The following IFT43 variants were observed in gnomAD, a reference collection of about 807,000 sequenced individuals.
The protein encoded by IFT43 is intraflagellar transport 43, also known as intraflagellar transport protein 43 homolog.
IFT43 carries 33 observed loss-of-function variants against 32.3 expected under a neutral mutation model. That is an observed-to-expected ratio of 1.02 (90% CI 0.77 to 1.37). IFT43 has a LOEUF of 1.37. IFT43 is among the 40% of genes most tolerant of loss of function. The probability of loss-of-function intolerance (pLI) is 0.00; values close to 1 mark genes in which losing one functional copy is unlikely to be tolerated. For synonymous variants in IFT43, 93 were observed against 98.2 expected, an observed-to-expected ratio of 0.95 and a Z score of 0.31; for missense variants, 274 against 265.9, an observed-to-expected ratio of 1.03 and a Z score of -0.21.
intron 2 of IFT43, among the ~76,000 whole-genome samples, chr14:76,004,519 T>G (rs1308250351): frequency 6.6e-6 from 1 of 152,182 alleles, no homozygotes; most frequent in Non-Finnish European, 1.5e-5. Flanking sequence ...TTTGATTTTT[T>G]TCTGTTTAGG....
chr14:76,026,099 GA>G (rs199579645), intron 3 of IFT43, among the ~76,000 whole-genome samples: 29 of 150,764 alleles, frequency 1.9e-4, no homozygotes, highest in African/African-American at 5.4e-4. Flanking sequence ...AAATTTACAA[GA>G]AAAAAAAATC....
Position 75,988,973 on chromosome 14 carries a change from G to A in IFT43, c.143G>A (p.Gly48Glu), listed in dbSNP as rs780644030. Residue 48 changes from glycine to glutamate, a missense_variant, in exon 2 of 9, where the codon GGA becomes GAA. Physicochemically the swap from Gly to Glu is moderately conservative, Grantham distance 98. Coordinates refer to ENST00000314067, the MANE Select transcript of IFT43 (RefSeq NM_001102564.3). ...AAGAATTCCTCTTTGACTCTGACTGGAGAGGTGGGTGCTAAAAAAAAAGAA... is the reference window on the plus strand; with the variant it reads ...AAGAATTCCTCTTTGACTCTGACTGAAGAGGTGGGTGCTAAAAAAAAAGAA... ...NGKNSSLTLTGETSSAKLPRC... is the reference protein window; with the variant it reads ...NGKNSSLTLTEETSSAKLPRC... The A allele has an allele frequency of 2.9e-5, 47 of 1,613,788 alleles. No homozygotes were observed. The Middle Eastern group carries it at 4.9e-4, about 17-fold the overall frequency.
chr14:76,014,497 G>A (rs1011863963), intron 2 of IFT43, among the ~76,000 whole-genome samples: 1 of 152,068 alleles, frequency 6.6e-6, no homozygotes, highest in African/African-American at 2.4e-5. Flanking sequence ...GCCATTTCCC[G>A]GGGACCCTTA....
intron 2 of IFT43, among the ~76,000 whole-genome samples, chr14:75,989,313 C>T (rs1171068608): frequency 4.0e-5 from 6 of 151,450 alleles, no homozygotes; most frequent in Non-Finnish European, 5.9e-5. Context: ...AGACTGGTGA[C>T]GTAAGGTTGG....
intron 5 of IFT43, among the ~76,000 whole-genome samples, chr14:76,075,071 C>T (rs919258936): frequency 1.3e-5 from 2 of 152,230 alleles, no homozygotes; most frequent in African/African-American, 2.4e-5. Context: ...AGGGCCTCCT[C>T]TCTCTGTCTC....
At chr14:75,986,321 G>C in intron 1 of IFT43, 14 of 1,227,806 alleles carry the variant, frequency 1.1e-5, no homozygotes, top group Non-Finnish European at 1.5e-5. Flanking sequence ...AATCCCCGTG[G>C]GGAGGTGGGA....
chr14:76,023,530 G>T (rs937082055), intron 3 of IFT43, among the ~76,000 whole-genome samples: 1 of 152,210 alleles, frequency 6.6e-6, no homozygotes, highest in Non-Finnish European at 1.5e-5. Flanking sequence ...AAATGAATTC[G>T]TATGTGTAAA....
chr14:76,001,831 CA>C (rs1274427682), intron 2 of IFT43, among the ~76,000 whole-genome samples: 2 of 152,166 alleles, frequency 1.3e-5, no homozygotes, highest in African/African-American at 4.8e-5. Flanking sequence ...GGCAAGAGGG[CA>C]TATGAGAGGG....
At chr14:76,024,746 G>C (rs751444784) in intron 3 of IFT43, among the ~76,000 whole-genome samples, 2 of 152,178 alleles carry the variant, frequency 1.3e-5, no homozygotes, top group African/African-American at 2.4e-5. Flanking sequence ...GTCACCTTCA[G>C]CCACATTTGT....
At chr14:76,072,741 AAG>A (rs1392650459) in intron 5 of IFT43, among the ~76,000 whole-genome samples, 1 of 152,174 alleles carries the variant, frequency 6.6e-6, no homozygotes, top group African/African-American at 2.4e-5. Context: ...ACAAAAGTAA[AAG>A]AGAGTTAAAT....
chr14:75,991,643 A>G lies in IFT43; in HGVS notation c.147+2666A>G, dbSNP rs553873298. On this transcript the variant is annotated intron_variant, in intron 2 of 8. Transcript: ENST00000314067. Reference sequence around the variant, plus strand: ...TGAGAATCATTGCTGTGAGAATATAACTCCATAGTCACAGAGTGTGATGAA... The same window carrying G: ...TGAGAATCATTGCTGTGAGAATATAGCTCCATAGTCACAGAGTGTGATGAA... Among the ~76,000 whole-genome samples, 134 of 152,022 alleles carry G rather than the reference A, an allele frequency of 8.8e-4. 1 individual carries two copies. The highest frequency in any genetic ancestry group is 1.6e-3 in the Non-Finnish European group (112 of 67,994).
At chr14:76,052,801 A>T (rs906453041) in intron 3 of IFT43, among the ~76,000 whole-genome samples, 11 of 152,376 alleles carry the variant, frequency 7.2e-5, no homozygotes, top group Non-Finnish European at 2.9e-5. Context: ...TAAATAAAAC[A>T]TATAATAAAT....
At chr14:76,070,490 A>C (rs1421400629) in intron 5 of IFT43, among the ~76,000 whole-genome samples, 2 of 152,184 alleles carry the variant, frequency 1.3e-5, no homozygotes, top group East Asian at 3.8e-4. Flanking sequence ...TTGCTTCCTT[A>C]GGCTTAATAT....
At chr14:75,997,963 A>AAAAC (rs1473029453) in intron 2 of IFT43, among the ~76,000 whole-genome samples, 1 of 152,204 alleles carries the variant, frequency 6.6e-6, no homozygotes, top group Non-Finnish European at 1.5e-5. Context: ...AAAACAAAAC[A>AAAAC]AAACAAAACA....
chr14:76,051,963 C>G (rs909859029), intron 3 of IFT43, among the ~76,000 whole-genome samples: 1 of 152,194 alleles, frequency 6.6e-6, no homozygotes, highest in East Asian at 1.9e-4. Flanking sequence ...TCACATTCCT[C>G]CCCAGGTCGG....
intron 2 of IFT43, among the ~76,000 whole-genome samples, chr14:75,998,429 G>A (rs1225148068): frequency 1.3e-5 from 2 of 152,234 alleles, no homozygotes; most frequent in Non-Finnish European, 2.9e-5. Flanking sequence ...GAGGGTTTTA[G>A]AGTAAGAGGA....
At chr14:76,001,255 A>T (rs1255293903) in intron 2 of IFT43, among the ~76,000 whole-genome samples, 1 of 152,230 alleles carries the variant, frequency 6.6e-6, no homozygotes, top group East Asian at 1.9e-4. Context: ...AAAATTATAG[A>T]TTCAAAATCA....
At chr14:76,082,393 G>A in intron 6 of IFT43, 26 bp downstream of exon 6, 5 of 1,441,662 alleles carry the variant, frequency 3.5e-6, no homozygotes, top group Non-Finnish European at 4.9e-6. Flanking sequence ...TATGATTGGG[G>A]AGGCAAAGAA....
chr14:76,032,529 A>G (rs1016186585), intron 3 of IFT43, among the ~76,000 whole-genome samples: 3 of 152,122 alleles, frequency 2.0e-5, no homozygotes, highest in African/African-American at 7.2e-5. Context: ...ATTTACTGCC[A>G]CCTGACATAT....
Sources: allele counts gnomAD v4.1 joint callset (sites outside exome capture counted in the v4.1 genomes callset), GRCh38; gene constraint gnomAD v4.1.1; transcripts MANE v1.5; gene names NCBI Gene and HGNC (gene_info 2026-07-23, HGNC 2026-07-21).